Variants in PFKL observed in about 807,000 individuals in gnomAD.
PFKL encodes the protein phosphofructokinase, liver type, also known as ATP-dependent 6-phosphofructokinase, liver type.
In PFKL, 74 loss-of-function variants were observed where a neutral mutation model predicts 92.1. That is an observed-to-expected ratio of 0.80 (90% CI 0.67 to 0.97). PFKL has a LOEUF of 0.97. Ranked by LOEUF, PFKL falls within the 50% of genes least tolerant of loss-of-function variation. The pLI is 0.00. For synonymous variants in PFKL, 494 were observed against 456.4 expected (o/e 1.08, Z -1.05); for missense variants, 1,028 against 1,116.6 (o/e 0.92, Z 1.13).
At chr21:44,304,702 GCTGT>G (rs1316288515) in intron 1 of PFKL, among the ~76,000 whole-genome samples, 3 of 124,476 alleles carry the variant, frequency 2.4e-5, no homozygotes, top group African/African-American at 6.0e-5. Context: ...GGGGGGCTCG[GCTGT>G]CTGTCTCGGG....
chr21:44,306,620 G>GC (rs1469050643), intron 1 of PFKL, 61 bp from the exon 2 acceptor site: 11 of 1,459,730 alleles, frequency 7.5e-6, no homozygotes, highest in Middle Eastern at 2.0e-4. Flanking sequence ...CTGAGATGGG[G>GC]AGGGTGTCCA....
rs2047531357 is a variant in PFKL at position 44,326,895 on chromosome 21, C to G, written c.*33C>G. ...CATGCCCACGCCCCTCCCCAGCCCC[C>G]ACCCATGCCAGCGCAGCGCCAGGGC... On this transcript the variant is annotated 3_prime_UTR_variant, in exon 22 of 22. Transcript: ENST00000349048. The G allele has an allele frequency of 1.3e-5, 21 of 1,572,332 alleles. No homozygotes were observed. Among genetic ancestry groups the G allele is most frequent in the Non-Finnish European group, 1.8e-5 (21 of 1,154,800 alleles).
chr21:44,313,733 C>T (rs376494434), intron 6 of PFKL, 51 bp downstream of exon 6: 11 of 1,552,170 alleles, frequency 7.1e-6, no homozygotes, highest in Middle Eastern at 1.7e-4. Flanking sequence ...TGCTGGGGAC[C>T]GCAGTGACAG....
intron 1 of PFKL, among the ~76,000 whole-genome samples, chr21:44,300,776 T>G (rs1486240705): frequency 6.6e-6 from 1 of 152,148 alleles, no homozygotes; most frequent in African/African-American, 2.4e-5. Flanking sequence ...TTCGCAGGGG[T>G]ACTGGGGAGG....
rs2047201857 is a variant in PFKL, at chr21:44,316,271, A to G, written c.775A>G (p.Ile259Val). 1 of 1,612,788 alleles carries G rather than the reference A, an allele frequency of 6.2e-7. No individual in the cohort carries two copies. The highest frequency in any genetic ancestry group is 8.5e-7 in the Non-Finnish European group (1 of 1,179,604). The change falls in exon 8 of 22, where the codon ATC becomes GTC. Residue 259 changes from isoleucine to valine, a missense_variant. By Grantham distance (29) the Ile-to-Val change is conservative. Transcript: ENST00000349048. ...ETRSRGSRLN[I>V]IIIAEGAIDR... The stretch of plus-strand genomic sequence containing the variant: ...TCGGAGCCGTGGGTCCCGACTGAAC[A>G]TCATCATCATCGCTGAGGGTGCCAT...
At chr21:44,323,108 C>A in intron 15 of PFKL, 59 bp downstream of exon 15, 1 of 1,377,906 alleles carries the variant, frequency 7.3e-7, no homozygotes, top group Non-Finnish European at 1.0e-6. Flanking sequence ...GGTGTCCTCC[C>A]GCCGAGGGGG....
At position 44,318,613 on chromosome 21, in the gene PFKL, C is replaced by A. The variant is rs900679681; in HGVS notation, c.1062+18C>A. 2 of 1,453,010 alleles carry A rather than the reference C, an allele frequency of 1.4e-6. No homozygotes were observed. Among genetic ancestry groups the A allele is most frequent in the Non-Finnish European group, 1.8e-6 (2 of 1,088,574 alleles). The allele number at this position is 1,453,010 out of a possible 1,614,324, so 90.0% of individuals were successfully genotyped here. A position where few individuals can be genotyped will look rare whatever the true frequency, so the allele number is the denominator to read the frequency against. ...TGCAGATGGTAAGCCCTGGGCCCCC[C>A]CCATCAGAACCGCCTGGCCCCTCTC... On this transcript the variant is annotated intron_variant, in intron 10 of 21. Transcript: ENST00000349048.
Position 44,323,742 on chromosome 21 carries a change from C to T in PFKL, c.1498-24C>T, listed in dbSNP as rs754780791. The T allele has an allele frequency of 1.6e-5, 26 of 1,600,974 alleles. No homozygotes were observed. The East Asian group carries it at 3.2e-4, about 19-fold the overall frequency. ...ACCCTGGCCTCGGTGCTGCCCTTGA[C>T]CTGCCCCGTCCCTACTGCTGCAGGC... On this transcript the variant is annotated intron_variant, in intron 15 of 21. Transcript: ENST00000349048.
intron 9 of PFKL, among the ~76,000 whole-genome samples, 180 bp downstream of exon 9, chr21:44,316,704 CTGTG>C (rs1323498457): frequency 5.9e-5 from 9 of 151,386 alleles, no homozygotes; most frequent in Non-Finnish European, 1.3e-4. Flanking sequence ...GTGGGTGTGT[CTGTG>C]TGTGTCTGGT....
chr21:44,304,575 TG>T lies in PFKL; in HGVS notation c.86-2101del, dbSNP rs1359127690. 12 of 1,101,690 alleles carry T rather than the reference TG, an allele frequency of 1.1e-5. 2 individuals carry two copies. In the East Asian group the frequency reaches 4.6e-4, roughly 42 times the overall value. The allele number at this position is 1,101,690 out of a possible 1,614,324, so 68.2% of individuals were successfully genotyped here. Reference sequence around the variant, plus strand: ...TCACTGCCCCCAACTCCAGTGAGGGTGGGGGACAGGGCGCTGCACTCACAGC... The same window carrying T: ...TCACTGCCCCCAACTCCAGTGAGGGTGGGGACAGGGCGCTGCACTCACAGC... On this transcript the variant is annotated intron_variant, in intron 1 of 21. Transcript: ENST00000349048.
chr21:44,324,728 C>T, intron 17 of PFKL, 73 bp downstream of exon 17: 1 of 1,559,214 alleles, frequency 6.4e-7, no homozygotes, highest in Non-Finnish European at 8.7e-7. Flanking sequence ...CTCAGGCCGG[C>T]CAGCGCAGGG....
chr21:44,309,095 C>G (rs569604470), intron 2 of PFKL, among the ~76,000 whole-genome samples: 1 of 152,020 alleles, frequency 6.6e-6, no homozygotes, highest in Non-Finnish European at 1.5e-5. Context: ...GGCAGAGGGT[C>G]GAGAGGCAGA....
intron 13 of PFKL, 51 bp from the exon 14 acceptor site, chr21:44,322,082 A>T (rs1490940010): frequency 6.4e-7 from 1 of 1,557,456 alleles, no homozygotes. Context: ...CCCTGGGGGG[A>T]ATTGGCCAGA....
intron 14 of PFKL, among the ~76,000 whole-genome samples, chr21:44,322,455 C>T (rs753146913): frequency 1.4e-4 from 21 of 152,200 alleles, no homozygotes; most frequent in Non-Finnish European, 2.2e-4. Flanking sequence ...AGCTGGCGAG[C>T]GTCTGTCCCT....
At chr21:44,304,332 C>T (rs972504807) in intron 1 of PFKL, 99 of 1,288,124 alleles carry the variant, frequency 7.7e-5, no homozygotes, top group Middle Eastern at 4.8e-4. Context: ...TGGGCTGACC[C>T]GCCCAGTGGC....
At chr21:44,311,690 T>A (rs2047052505) in intron 3 of PFKL, among the ~76,000 whole-genome samples, 1 of 152,108 alleles carries the variant, frequency 6.6e-6, no homozygotes, top group African/African-American at 2.4e-5. Flanking sequence ...TGGCTGAGGC[T>A]GGCTATGAGG....
chr21:44,324,961 C>G (rs981183546), intron 18 of PFKL, 44 bp downstream of exon 18: 4 of 1,546,720 alleles, frequency 2.6e-6, no homozygotes, highest in Admixed American at 1.9e-5. Context: ...GCGTCCAACT[C>G]TCGGGGCTGG....
intron 1 of PFKL, 140 bp from the exon 2 acceptor site, chr21:44,306,541 C>A (rs1325051310): frequency 2.9e-6 from 2 of 695,524 alleles, no homozygotes; most frequent in African/African-American, 1.8e-5. Flanking sequence ...GGAGGGTGAC[C>A]AGGGCCTTCC....
At position 44,306,601 on chromosome 21, in the gene PFKL, C is replaced by T. The variant is rs1047624502; in HGVS notation, c.86-80C>T. On this transcript the variant is annotated intron_variant, in intron 1 of 21. Transcript: ENST00000349048. ...ACAGGGTGTCCAGGCCTCCCCTACC[C>T]CCTGTCCTCTGAGATGGGGAGGGTG... 4.3e-5 allele frequency: 56 copies of T among 1,294,802 alleles called. 1 individual carries two copies. Among genetic ancestry groups the T allele is most frequent in the Middle Eastern group, 4.5e-4 (2 of 4,450 alleles). 80.2% of individuals were successfully genotyped at this position (1,294,802 alleles called of 1,614,324 possible).
Sources: gnomAD v4.1 joint callset for allele counts (sites outside exome capture counted in the v4.1 genomes callset) on GRCh38, gnomAD v4.1.1 for gene constraint, MANE v1.5 for transcripts, NCBI Gene and HGNC (gene_info 2026-07-23, HGNC 2026-07-21) for gene names.